ALKBH8: variants seen among roughly 807,000 people sequenced by gnomAD.
ALKBH8 encodes tRNA (carboxymethyluridine(34)-5-O)-methyltransferase ALKBH8.
In ALKBH8, 36 loss-of-function variants were observed where a neutral mutation model predicts 59.8. The observed-to-expected ratio is 0.60, with a 90% CI of 0.46 to 0.79. The LOEUF (loss-of-function observed/expected upper bound fraction) is 0.79. Among genes scored for constraint, ALKBH8 ranks in the 30% least tolerant of loss-of-function variants. The pLI is 0.00. For missense variants in ALKBH8, 768 were observed against 801.0 expected (o/e 0.96, Z 0.50); for synonymous variants, 276 against 273.6 (o/e 1.01, Z -0.09).
chr11:107,523,940 T>C (rs1349729118), intron 9 of ALKBH8, among the ~76,000 whole-genome samples: 3 of 152,048 alleles, frequency 2.0e-5, no homozygotes, highest in Non-Finnish European at 4.4e-5. Flanking sequence ...CAAAAAAGTA[T>C]AAGTATGTGA....
chr11:107,523,629 G>A (rs575372187), intron 9 of ALKBH8, among the ~76,000 whole-genome samples: 5 of 134,366 alleles, frequency 3.7e-5, no homozygotes, highest in Non-Finnish European at 7.7e-5. Context: ...TTGAGACAGA[G>A]TCTCACTCTG....
At chr11:107,524,243 TTGC>T (rs1015865149) in intron 9 of ALKBH8, among the ~76,000 whole-genome samples, 121 of 152,108 alleles carry the variant, frequency 8.0e-4, no homozygotes, top group African/African-American at 2.8e-3. Context: ...TTTTATTTTT[TTGC>T]AGACAGGGGG....
chr11:107,556,018 G>A lies in ALKBH8; in HGVS notation c.367+748C>T, dbSNP rs575591213. ...GAATCAGCCGGGCACGGTGGCTCAC[G>A]CCTGTAATCCCAGCACTTTGGGAGG... On this transcript the variant is annotated intron_variant, in intron 3 of 11. Transcript: ENST00000428149. 4.6e-5 allele frequency among the ~76,000 whole-genome samples: 7 copies of A among 152,282 alleles called. No homozygotes were observed. The South Asian group carries it at 6.2e-4, about 14-fold the overall frequency.
intron 10 of ALKBH8, among the ~76,000 whole-genome samples, chr11:107,511,556 A>T (rs764315627): frequency 4.6e-4 from 70 of 152,148 alleles, no homozygotes; most frequent in Non-Finnish European, 7.2e-4. Context: ...ATCAGAAAAT[A>T]AAATCCCCCC....
In ALKBH8 at chr11:107,522,331, T is replaced by G. The variant is rs765666925; in HGVS notation, c.1255A>C (p.Lys419Gln). ...AACTCCTTATTGATGCCAAGATACTTTCCATTACCACATCCAATATCAGCC... is the reference window on the plus strand; with the variant it reads ...AACTCCTTATTGATGCCAAGATACTGTCCATTACCACATCCAATATCAGCC... Reference protein sequence around the residue: ...IVADIGCGNGKYLGINKELYM... With the variant: ...IVADIGCGNGQYLGINKELYM... The change falls in exon 10 of 12, where the codon AAG becomes CAG. Residue 419 changes from lysine to glutamine, a missense_variant. Lys to Gln is a moderately conservative substitution (Grantham distance 53). Transcript: ENST00000428149. 27 of 1,551,522 alleles carry G rather than the reference T, an allele frequency of 1.7e-5. No homozygotes were observed. Among genetic ancestry groups the G allele is most frequent in the Non-Finnish European group, 2.3e-5 (26 of 1,146,958 alleles).
At chr11:107,547,410 T>C (rs1310519106) in intron 7 of ALKBH8, among the ~76,000 whole-genome samples, 1 of 152,178 alleles carries the variant, frequency 6.6e-6, no homozygotes, top group African/African-American at 2.4e-5. Context: ...CTTCCTCCTG[T>C]TACAGAAGTG....
At chr11:107,532,440 C>T (rs762643274) in intron 7 of ALKBH8, 34 bp from the exon 8 acceptor site, 1 of 1,534,696 alleles carries the variant, frequency 6.5e-7, no homozygotes, top group East Asian at 2.3e-5. Context: ...AAGATCAATC[C>T]AAAATTTCAT....
intron 10 of ALKBH8, among the ~76,000 whole-genome samples, chr11:107,516,039 C>T (rs186188566): frequency 8.5e-4 from 130 of 152,230 alleles, no homozygotes; most frequent in African/African-American, 2.9e-3. Flanking sequence ...TTCCTGAGTA[C>T]GCATATAGAT....
intron 8 of ALKBH8, among the ~76,000 whole-genome samples, chr11:107,530,805 C>T (rs1386405923): frequency 6.6e-6 from 1 of 152,078 alleles, no homozygotes; most frequent in Non-Finnish European, 1.5e-5. Flanking sequence ...ACTCTATTAA[C>T]ATTTAATAGC....
intron 1 of ALKBH8, chr11:107,565,372 A>T (rs1302452139): frequency 1.7e-6 from 1 of 602,886 alleles, no homozygotes; most frequent in Non-Finnish European, 2.9e-6. Flanking sequence ...CACAGGCACC[A>T]CGTGAGCGCC....
At chr11:107,565,424 C>T in intron 1 of ALKBH8, 177 bp downstream of exon 1, 1 of 778,448 alleles carries the variant, frequency 1.3e-6, no homozygotes, top group Non-Finnish European at 2.0e-6. Flanking sequence ...ACTGAGAGAA[C>T]CACCCAACGC....
intron 11 of ALKBH8, among the ~76,000 whole-genome samples, chr11:107,508,282 C>A (rs1862478698): frequency 6.6e-6 from 1 of 151,138 alleles, no homozygotes; most frequent in African/African-American, 2.4e-5. Context: ...ATGTGATTCT[C>A]ATGTCTCAGT....
intron 10 of ALKBH8, among the ~76,000 whole-genome samples, chr11:107,517,799 CA>C: frequency 6.6e-6 from 1 of 152,216 alleles, no homozygotes; most frequent in Non-Finnish European, 1.5e-5. Flanking sequence ...TCAAAAGATA[CA>C]AAATTTTAGA....
intron 10 of ALKBH8, among the ~76,000 whole-genome samples, chr11:107,512,864 A>T (rs1203716204): frequency 1.3e-5 from 2 of 152,200 alleles, no homozygotes; most frequent in Non-Finnish European, 2.9e-5. Flanking sequence ...TGTGTAGAAG[A>T]TTGAAACTGT....
chr11:107,554,201 G>T (rs1173988280), intron 3 of ALKBH8, among the ~76,000 whole-genome samples: 2 of 152,140 alleles, frequency 1.3e-5, no homozygotes, highest in Admixed American at 6.5e-5. Flanking sequence ...AAACAGAACA[G>T]TATTTATTTA....
At chr11:107,557,523 G>A (rs1312752622) in intron 2 of ALKBH8, among the ~76,000 whole-genome samples, 1 of 152,126 alleles carries the variant, frequency 6.6e-6, no homozygotes, top group Non-Finnish European at 1.5e-5. Flanking sequence ...ACCTATTTCT[G>A]TCCGTTTCCA....
intron 7 of ALKBH8, among the ~76,000 whole-genome samples, chr11:107,549,411 T>C (rs1035657631): frequency 2.0e-5 from 3 of 152,192 alleles, no homozygotes; most frequent in Admixed American, 6.5e-5. Context: ...CCTTTTTCTA[T>C]GGCATGAAGC....
intron 8 of ALKBH8, among the ~76,000 whole-genome samples, chr11:107,528,718 G>A (rs1301719631): frequency 6.6e-6 from 1 of 152,086 alleles, no homozygotes; most frequent in Non-Finnish European, 1.5e-5. Flanking sequence ...TTAAGAACAG[G>A]TAATCCATAT....
intron 3 of ALKBH8, 103 bp downstream of exon 3, chr11:107,556,663 G>C (rs541791158): frequency 1.3e-6 from 1 of 771,210 alleles, no homozygotes; most frequent in South Asian, 3.7e-5. Flanking sequence ...CTGCTAACCT[G>C]CTTCCTCATT....
Sources: allele counts gnomAD v4.1 joint callset (sites outside exome capture counted in the v4.1 genomes callset), GRCh38; gene constraint gnomAD v4.1.1; transcripts MANE v1.5; gene names NCBI Gene and HGNC (gene_info 2026-07-23, HGNC 2026-07-21).